The following HIRA variants were observed in gnomAD, a reference collection of about 807,000 sequenced individuals.
HIRA encodes histone cell cycle regulator.
A neutral mutation model predicts 126.6 loss-of-function variants in HIRA; 13 were observed. The ratio of observed to expected loss-of-function variants is 0.10; its 90% confidence interval spans 0.07 to 0.16. HIRA has a LOEUF of 0.16. Ranked by LOEUF, HIRA falls within the 10% of genes least tolerant of loss-of-function variation. The pLI is 1.00. For synonymous variants in HIRA, 511 were observed against 520.0 expected, an observed-to-expected ratio of 0.98 and a Z score of 0.24; for missense variants, 834 against 1,314.4, an observed-to-expected ratio of 0.63 and a Z score of 5.65.
At chr22:19,422,981 C>T (rs1241492400) in intron 1 of HIRA, among the ~76,000 whole-genome samples, 1 of 152,210 alleles carries the variant, frequency 6.6e-6, no homozygotes, top group Non-Finnish European at 1.5e-5. Flanking sequence ...CTACAGAACT[C>T]CCAGCAGGGC....
chr22:19,418,866 T>C lies in HIRA; in HGVS notation c.38-8088A>G, dbSNP rs117650392. Among the ~76,000 whole-genome samples the C allele has an allele frequency of 3.4e-3, 510 of 152,172 alleles. 19 individuals carry two copies. The East Asian group carries it at 0.068, about 20-fold the overall frequency. On this transcript the variant is annotated intron_variant, in intron 1 of 24. Coordinates refer to ENST00000263208, the MANE Select transcript of HIRA (RefSeq NM_003325.4). ...GGAGAAACTGGACTAAGTCCAGAAGTACCTTCTCAGTATTTCATACAATTC... is the reference window on the plus strand; with the variant it reads ...GGAGAAACTGGACTAAGTCCAGAAGCACCTTCTCAGTATTTCATACAATTC...
At position 19,408,549 on chromosome 22, in the gene HIRA, G is replaced by A; in HGVS notation, c.145C>T (p.Leu49Phe). The A allele has an allele frequency of 6.2e-7, 1 of 1,613,688 alleles. No homozygotes were observed. The highest frequency in any genetic ancestry group is 8.5e-7 in the Non-Finnish European group (1 of 1,179,610). Reference protein sequence around the residue: ...KVVIWNMSPVLQEDDEKDENI... With the variant: ...KVVIWNMSPVFQEDDEKDENI... Reference sequence around the variant, plus strand: ...TCATCCTTCTCGTCATCCTCCTGGAGGACTGGAGACATATTCCAGATCACA... The same window carrying A: ...TCATCCTTCTCGTCATCCTCCTGGAAGACTGGAGACATATTCCAGATCACA... Residue 49 changes from leucine to phenylalanine, a missense_variant, in exon 3 of 25, where the codon CTC (leucine) becomes TTC (phenylalanine). Coordinates refer to ENST00000263208, the MANE Select transcript of HIRA (RefSeq NM_003325.4).
intron 14 of HIRA, among the ~76,000 whole-genome samples, chr22:19,376,511 G>A (rs1185481243): frequency 1.3e-5 from 2 of 152,192 alleles, no homozygotes; most frequent in East Asian, 3.9e-4. Context: ...TAGTCACCCT[G>A]GACAGCCCCA....
intron 24 of HIRA, among the ~76,000 whole-genome samples, chr22:19,345,239 G>A (rs1305862017): frequency 6.6e-6 from 1 of 152,216 alleles, no homozygotes; most frequent in Non-Finnish European, 1.5e-5. Flanking sequence ...AAACCCTAAA[G>A]ATTCAGCGAA....
At chr22:19,409,374 C>T (rs1047296748) in intron 2 of HIRA, among the ~76,000 whole-genome samples, 1 of 151,984 alleles carries the variant, frequency 6.6e-6, no homozygotes, top group Admixed American at 6.5e-5. Context: ...ACCTCCGCCT[C>T]GCAGGTTCCA....
intron 24 of HIRA, among the ~76,000 whole-genome samples, chr22:19,336,511 C>A (rs1556005965): frequency 6.6e-6 from 1 of 152,250 alleles, no homozygotes; most frequent in African/African-American, 2.4e-5. Context: ...CCACTGCCTG[C>A]AACATCCTTT....
intron 15 of HIRA, among the ~76,000 whole-genome samples, chr22:19,365,281 C>T (rs1021298421): frequency 2.0e-5 from 3 of 152,328 alleles, no homozygotes; most frequent in African/African-American, 7.2e-5. Context: ...TAACACTAAA[C>T]AACAGATTGT....
chr22:19,380,547 CCTGGCTAATCTTCT>C (rs2089063360), intron 13 of HIRA, among the ~76,000 whole-genome samples: 3 of 152,254 alleles, frequency 2.0e-5, no homozygotes, highest in African/African-American at 4.8e-5. Flanking sequence ...GCTAGTCTTC[CCTGGCTAATCTTCT>C]TTTTCAGAAA....
chr22:19,385,665 G>A lies in HIRA; in HGVS notation c.1185C>T (p.Val395=). The change falls in exon 12 of 25, where the codon GTC becomes GTT. Residue 395 remains valine, a synonymous_variant. Transcript: ENST00000263208. The part of the protein sequence containing the change: ...IMTEAQLSTA[V]IENPEMLKYQ... ...ACTTGAGCATCTCAGGGTTCTCAAT[G>A]ACGGCTGTGGAGAGCTGGGCCTCGG... 1 of 1,614,206 alleles carries A rather than the reference G, an allele frequency of 6.2e-7. No individual in the cohort carries two copies. Among genetic ancestry groups the A allele is most frequent in the Non-Finnish European group, 8.5e-7 (1 of 1,180,040 alleles).
At chr22:19,400,060 A>G (rs2146234118) in intron 5 of HIRA, among the ~76,000 whole-genome samples, 1 of 152,268 alleles carries the variant, frequency 6.6e-6, no homozygotes, top group East Asian at 1.9e-4. Context: ...CAGAAAGGAG[A>G]AGGGATTTTC....
At chr22:19,418,914 G>A (rs1383574066) in intron 1 of HIRA, among the ~76,000 whole-genome samples, 3 of 129,806 alleles carry the variant, frequency 2.3e-5, no homozygotes, top group Non-Finnish European at 4.9e-5. Flanking sequence ...TAATCATCTC[G>A]ATAAGAAATA....
chr22:19,401,599 C>T (rs1044045641), intron 5 of HIRA, among the ~76,000 whole-genome samples: 1 of 152,218 alleles, frequency 6.6e-6, no homozygotes, highest in African/African-American at 2.4e-5. Flanking sequence ...ACATTTCTGT[C>T]CCACCTGCAG....
chr22:19,410,755 T>A lies in HIRA; in HGVS notation c.61A>T (p.Ile21Phe). The change falls in exon 2 of 25, where the codon ATT becomes TTT. Residue 21 changes from isoleucine (I) to phenylalanine (F), a missense_variant. By Grantham distance (21) the Ile-to-Phe change is conservative. This residue lies in a region of HIRA where 102 missense variants were observed against 191.4 expected (regional missense o/e 0.53). Transcript: ENST00000263208. ...HNGKPIFSVD[I>F]HPDGTKFATG... is the part of the protein sequence containing the mutation. ...GCGAACTTGGTCCCGTCAGGGTGAA[T>A]ATCAACTGAAAAAATCGGCTTGCCT... is the stretch of plus-strand genomic sequence containing the variant. 6.2e-7 allele frequency: 1 copy of A among 1,613,820 alleles called. No individual in the cohort carries two copies. The highest frequency in any genetic ancestry group is 1.1e-5 in the South Asian group (1 of 91,006).
At chr22:19,388,113 TA>T (rs138179814) in intron 10 of HIRA, among the ~76,000 whole-genome samples, 3 of 151,958 alleles carry the variant, frequency 2.0e-5, no homozygotes, top group Non-Finnish European at 2.9e-5. Flanking sequence ...ACTATTAAAA[TA>T]AAAAAAACTT....
chr22:19,407,190 C>T lies in HIRA; in HGVS notation c.296G>A (p.Arg99Gln), dbSNP rs570126799. The change falls in exon 4 of 25, where the codon CGG (arginine) becomes CAG (glutamine). Residue 99 changes from arginine to glutamine, a missense_variant. By Grantham distance (43) the Arg-to-Gln change is conservative. This residue lies in a region of HIRA where 102 missense variants were observed against 191.4 expected (regional missense o/e 0.53). Transcript: ENST00000263208. The part of the protein sequence containing the change: ...GDDKLIMVWK[R>Q]ATYIGPSTVF... ...AAAGGAAAATGATGCTTACGTAGCC[C>T]GCTTCCACACCATAATCAGTTTGTC... 6 of 1,612,492 alleles carry T rather than the reference C, an allele frequency of 3.7e-6. No individual in the cohort carries two copies. In the South Asian group the frequency reaches 4.4e-5, roughly 12 times the overall value.
intron 12 of HIRA, among the ~76,000 whole-genome samples, chr22:19,384,584 A>C (rs1310463294): frequency 6.6e-6 from 1 of 152,058 alleles, no homozygotes; most frequent in Non-Finnish European, 1.5e-5. Flanking sequence ...CCATGGGACC[A>C]ATGAAAGGGC....
At position 19,407,201 on chromosome 22, in the gene HIRA, CATA is replaced by C; in HGVS notation, c.282_284del (p.Ile94del). The C allele has an allele frequency of 6.2e-7, 1 of 1,613,626 alleles. No individual in the cohort carries two copies. The highest frequency in any genetic ancestry group is 8.5e-7 in the Non-Finnish European group (1 of 1,179,632). On this transcript the variant is annotated inframe_deletion, in exon 4 of 25. Coordinates refer to ENST00000263208, the MANE Select transcript of HIRA (RefSeq NM_003325.4). Reference sequence around the variant, plus strand: ...ATGCTTACGTAGCCCGCTTCCACACCATAATCAGTTTGTCATCTCCCCCAGAAG... The same window carrying C: ...ATGCTTACGTAGCCCGCTTCCACACCATCAGTTTGTCATCTCCCCCAGAAG...
At chr22:19,380,453 C>G (rs1043842188) in intron 13 of HIRA, among the ~76,000 whole-genome samples, 3 of 152,132 alleles carry the variant, frequency 2.0e-5, no homozygotes, top group African/African-American at 7.2e-5. Context: ...CATATTCTAT[C>G]ATATTCCACT....
chr22:19,397,352 C>T (rs915777150), intron 6 of HIRA, among the ~76,000 whole-genome samples: 1 of 152,138 alleles, frequency 6.6e-6, no homozygotes, highest in African/African-American at 2.4e-5. Context: ...AAGGTGTGTA[C>T]GACGGTACCC....
Sources: gnomAD v4.1 joint callset for allele counts (sites outside exome capture counted in the v4.1 genomes callset) on GRCh38, gnomAD v4.1.1 for gene constraint, gnomAD v4.1.1 regional missense constraint, MANE v1.5 for transcripts, NCBI Gene and HGNC (gene_info 2026-07-23, HGNC 2026-07-21) for gene names.